The following IGSF10 variants were observed in gnomAD, a reference collection of about 807,000 sequenced individuals.
IGSF10 encodes immunoglobulin superfamily member 10.
Under a neutral mutation model 128.2 loss-of-function variants are expected in IGSF10, and 126 were observed. The ratio of observed to expected loss-of-function variants is 0.98; its 90% CI spans 0.85 to 1.14. The LOEUF (loss-of-function observed/expected upper bound fraction) is 1.14, where lower values mean the gene tolerates loss of function less well. Among genes scored for constraint, IGSF10 ranks in the 50% most tolerant of loss-of-function variants. The pLI is 0.00. For missense variants in IGSF10, 3,295 were observed against 3,149.8 expected, an observed-to-expected ratio of 1.05 and a Z score of -1.10; for synonymous variants, 1,185 against 1,146.2, an observed-to-expected ratio of 1.03 and a Z score of -0.68.
At chr3:151,571,327 G>A in the IGSF10 span, among the ~76,000 whole-genome samples, 16 of 152,052 alleles carry the variant, frequency 1.1e-4, no homozygotes, top group Non-Finnish European at 1.9e-4. Flanking sequence ...TGGACAGTAT[G>A]GCCATTTTCA....
chr3:151,496,170 G>T, the IGSF10 span, among the ~76,000 whole-genome samples: 1 of 151,656 alleles, frequency 6.6e-6, no homozygotes, highest in African/African-American at 2.4e-5. Context: ...TCATTTGAAG[G>T]TCACACGGCT....
the IGSF10 span, among the ~76,000 whole-genome samples, chr3:151,466,659 G>A: frequency 1.3e-5 from 2 of 152,082 alleles, no homozygotes; most frequent in Admixed American, 1.3e-4. Flanking sequence ...GCTCATTGCA[G>A]CCTCCACCTC....
the IGSF10 span, among the ~76,000 whole-genome samples, chr3:151,487,258 A>G: frequency 1.3e-5 from 2 of 152,220 alleles, no homozygotes; most frequent in African/African-American, 4.8e-5. Context: ...CTGGACACAT[A>G]CACCCTCCCA....
At chr3:151,528,095 T>G in the IGSF10 span, among the ~76,000 whole-genome samples, 6 of 152,194 alleles carry the variant, frequency 3.9e-5, no homozygotes, top group Non-Finnish European at 7.3e-5. Context: ...CCTAGTATCA[T>G]GCTGATTAAA....
At chr3:151,552,099 G>C in the IGSF10 span, among the ~76,000 whole-genome samples, 1 of 152,078 alleles carries the variant, frequency 6.6e-6, no homozygotes, top group African/African-American at 2.4e-5. Flanking sequence ...TGCTGTTCTT[G>C]TGATAGTCAG....
chr3:151,445,472 G>T lies in IGSF10; in HGVS notation c.4509C>A (p.Val1503=). Residue 1503 remains valine (V), a synonymous_variant, in exon 6 of 8, where the codon GTC becomes GTA. Transcript: ENST00000282466. The part of the protein sequence containing the change: ...PISGLMTNTV[V]KLHESSRHNA... ...TGTGCCTTGAGGATTCGTGCAGCTT[G>T]ACCACTGTATTTGTCATAAGCCCGG... 6.2e-7 allele frequency: 1 copy of T among 1,614,122 alleles called. No homozygotes were observed. The highest frequency in any genetic ancestry group is 1.1e-5 in the South Asian group (1 of 91,064).
the IGSF10 span, chr3:151,475,769 A>C: frequency 1.3e-5 from 2 of 152,496 alleles, no homozygotes; most frequent in African/African-American, 4.8e-5. Context: ...AACTTCGTTA[A>C]ATTTACTTTG....
the IGSF10 span, among the ~76,000 whole-genome samples, chr3:151,606,993 C>T: frequency 6.6e-6 from 1 of 152,294 alleles, no homozygotes. Context: ...AGTGCCATCT[C>T]TTCTGGGAAC....
intron 6 of IGSF10, 114 bp from the exon 7 acceptor site, chr3:151,443,998 G>A: frequency 1.3e-6 from 1 of 796,010 alleles, no homozygotes; most frequent in Non-Finnish European, 1.9e-6. Flanking sequence ...TGAAAGCCCA[G>A]CCCTATGGCT....
chr3:151,443,918 T>G, intron 6 of IGSF10, 34 bp from the exon 7 acceptor site: 1 of 1,486,980 alleles, frequency 6.7e-7, no homozygotes, highest in Non-Finnish European at 9.1e-7. Flanking sequence ...TTGCTACGGG[T>G]CATCAAAGTT....
chr3:151,475,198 G>A, the IGSF10 span, among the ~76,000 whole-genome samples: 10 of 152,160 alleles, frequency 6.6e-5, no homozygotes, highest in Admixed American at 1.3e-4. Flanking sequence ...CTGGAAAAAA[G>A]ATGTGACTTG....
chr3:151,533,676 C>T, the IGSF10 span, among the ~76,000 whole-genome samples: 34 of 152,190 alleles, frequency 2.2e-4, no homozygotes, highest in Admixed American at 9.2e-4. Flanking sequence ...AAGACTTACA[C>T]GTAAGACCTA....
chr3:151,438,216 T>C lies in IGSF10; in HGVS notation c.6345A>G (p.Gly2115=). The C allele has an allele frequency of 2.5e-6, 4 of 1,614,034 alleles. No individual in the cohort carries two copies. Among genetic ancestry groups the C allele is most frequent in the Non-Finnish European group, 3.4e-6 (4 of 1,179,924 alleles). The stretch of plus-strand genomic sequence containing the variant: ...TGTTCTGGGCATAGCAAGTATAATC[T>C]CCTTCCTCCGCTACCCCAACTTTGT... ...YFNKVGVAEE[G]DYTCYAQNTL... The change falls in exon 8 of 8, where the codon GGA becomes GGG. Residue 2115 remains glycine, a synonymous_variant. Coordinates refer to ENST00000282466, the MANE Select transcript of IGSF10 (RefSeq NM_178822.5).
the IGSF10 span, among the ~76,000 whole-genome samples, chr3:151,598,070 GGTGTGTGTGTGTGT>G: frequency 5.1e-5 from 7 of 137,774 alleles, no homozygotes; most frequent in East Asian, 2.1e-4. Flanking sequence ...AATGAGTACT[GGTGTGTGTGTGTGT>G]GTGTGTGTGT....
chr3:151,603,555 G>A, the IGSF10 span, among the ~76,000 whole-genome samples: 2 of 152,014 alleles, frequency 1.3e-5, no homozygotes, highest in African/African-American at 4.8e-5. Context: ...TACCTTCTTT[G>A]TATTAGGGAT....
chr3:151,464,931 T>C (rs1251230909), upstream of IGSF10, among the ~76,000 whole-genome samples: 2 of 152,200 alleles, frequency 1.3e-5, no homozygotes, highest in African/African-American at 2.4e-5. Flanking sequence ...ACTTTATATA[T>C]AGTATTCCAG....
At chr3:151,608,453 A>T in the IGSF10 span, among the ~76,000 whole-genome samples, 1 of 152,228 alleles carries the variant, frequency 6.6e-6, no homozygotes, top group Admixed American at 6.5e-5. Flanking sequence ...TTCAGGTTTC[A>T]TTGGAAGAGA....
chr3:151,579,874 GA>G, the IGSF10 span, among the ~76,000 whole-genome samples: 23 of 65,244 alleles, frequency 3.5e-4, no homozygotes, highest in East Asian at 1.2e-3. Context: ...AGGGAGGAAG[GA>G]AAGGAAGGAA....
At chr3:151,485,328 G>GGT in the IGSF10 span, among the ~76,000 whole-genome samples, 1 of 152,146 alleles carries the variant, frequency 6.6e-6, no homozygotes, top group Non-Finnish European at 1.5e-5. Context: ...ATGTTTGATT[G>GGT]GTGTGTGTGA....
Sources: gnomAD v4.1 joint callset for allele counts (sites outside exome capture counted in the v4.1 genomes callset) on GRCh38, gnomAD v4.1.1 for gene constraint, MANE v1.5 for transcripts, NCBI Gene and HGNC (gene_info 2026-07-23, HGNC 2026-07-21) for gene names.